Variants in RAP1B observed in about 807,000 individuals in gnomAD.
The protein encoded by RAP1B is RAP1B, member of RAS oncogene family.
RAP1B carries 1 observed loss-of-function variant against 27.5 expected under a neutral mutation model. The observed-to-expected ratio is 0.04, with a 90% CI of 0.01 to 0.17. The LOEUF (loss-of-function observed/expected upper bound fraction) is 0.17. Among genes scored for constraint, RAP1B ranks in the 10% least tolerant of loss-of-function variants. RAP1B has a pLI of 1.00. For synonymous variants in RAP1B, 75 were observed against 73.1 expected (o/e 1.03, Z -0.13); for missense variants, 84 against 214.8 (o/e 0.39, Z 3.81).
chr12:68,631,415 G>A (rs140909870), intron 1 of RAP1B, among the ~76,000 whole-genome samples: 5 of 151,968 alleles, frequency 3.3e-5, no homozygotes, highest in East Asian at 1.9e-4. Flanking sequence ...AACTTCTTTC[G>A]TTAATTTAAA....
chr12:68,622,122 CTT>C (rs976086610), intron 1 of RAP1B, among the ~76,000 whole-genome samples: 1 of 152,154 alleles, frequency 6.6e-6, no homozygotes, highest in African/African-American at 2.4e-5. Context: ...GGTCATGAAA[CTT>C]TGAACAAGTT....
At chr12:68,653,052 T>TA (rs1273686636) in intron 4 of RAP1B, among the ~76,000 whole-genome samples, 1 of 150,908 alleles carries the variant, frequency 6.6e-6, no homozygotes, top group South Asian at 2.1e-4. Flanking sequence ...TCTATTAAAA[T>TA]ACAAAAATTA....
intron 1 of RAP1B, among the ~76,000 whole-genome samples, chr12:68,612,320 CTT>C (rs1206463956): frequency 1.3e-5 from 2 of 152,100 alleles, no homozygotes; most frequent in African/African-American, 2.4e-5. Flanking sequence ...CAAAAAGTAA[CTT>C]ATAGAAAAGG....
chr12:68,668,160 C>G lies in RAP1B; in HGVS notation c.*8911C>G, dbSNP rs545173004. The G allele has an allele frequency of 1.4e-3, 206 of 152,306 alleles. No homozygotes were observed. Among genetic ancestry groups the G allele is most frequent in the African/African-American group, 4.8e-3 (199 of 41,548 alleles). 9.4% of individuals were successfully genotyped at this position (152,306 alleles called of 1,614,324 possible). A position where few individuals can be genotyped will look rare whatever the true frequency, so the allele number is the denominator to read the frequency against. Reference sequence around the variant, plus strand: ...AATGACTTGGTTGCCCTAGGCCCCCCGTCAAGGCTTTTGTTCAAGGGAGAG... The same window carrying G: ...AATGACTTGGTTGCCCTAGGCCCCCGGTCAAGGCTTTTGTTCAAGGGAGAG... On this transcript the variant is annotated 3_prime_UTR_variant, in exon 8 of 8. Coordinates refer to ENST00000250559, the MANE Select transcript of RAP1B (RefSeq NM_001010942.3).
At chr12:68,651,805 A>G (rs1008363415) in intron 3 of RAP1B, 190 bp from the exon 4 acceptor site, 1 of 530,116 alleles carries the variant, frequency 1.9e-6, no homozygotes, top group African/African-American at 1.9e-5. Flanking sequence ...CTTGATTACA[A>G]TTTGGGGGTC....
At chr12:68,633,860 ACT>A (rs1050538474) in intron 1 of RAP1B, among the ~76,000 whole-genome samples, 40 of 152,172 alleles carry the variant, frequency 2.6e-4, no homozygotes, top group African/African-American at 8.9e-4. Context: ...ATACAGTAAG[ACT>A]CTGTCTCAAA....
intron 1 of RAP1B, chr12:68,642,853 C>A: frequency 1.0e-6 from 1 of 988,852 alleles, no homozygotes; most frequent in Non-Finnish European, 1.6e-6. Context: ...CCGGTGGATT[C>A]TCAGGTAAAG....
In RAP1B at chr12:68,662,751, T is replaced by C. The variant is rs1178635704; in HGVS notation, c.*3502T>C. ...CATAATCTGTCAGTGAGCCTTAACA[T>C]TGTGATTTGTAAGACTAAAATTTTT... On this transcript the variant is annotated 3_prime_UTR_variant, in exon 8 of 8. Coordinates refer to ENST00000250559, the MANE Select transcript of RAP1B (RefSeq NM_001010942.3). The C allele has an allele frequency of 1.3e-5, 2 of 152,148 alleles. No individual in the cohort carries two copies. The highest frequency in any genetic ancestry group is 1.9e-4 in the East Asian group (1 of 5,192). The allele number at this position is 152,148 out of a possible 1,614,324, so 9.4% of individuals were successfully genotyped here. A position where few individuals can be genotyped will look rare whatever the true frequency, so the allele number is the denominator to read the frequency against.
chr12:68,652,240 G>A (rs1025206849), intron 4 of RAP1B, among the ~76,000 whole-genome samples, 189 bp downstream of exon 4: 3 of 152,132 alleles, frequency 2.0e-5, no homozygotes, highest in Non-Finnish European at 4.4e-5. Flanking sequence ...GAGGTCAGGA[G>A]TTCGAGACCA....
chr12:68,643,015 TGGCTGCCCAC>T, intron 1 of RAP1B: 1 of 779,748 alleles, frequency 1.3e-6, no homozygotes, highest in Non-Finnish European at 2.4e-6. Context: ...TCACCGACCC[TGGCTGCCCAC>T]GGTCCACTGC....
Position 68,616,438 on chromosome 12 carries a change from ATTTTTTTTTT to A in RAP1B, c.-27+5412_-27+5421del, listed in dbSNP as rs142174644. On this transcript the variant is annotated intron_variant, in intron 1 of 7. Transcript: ENST00000250559. The stretch of plus-strand genomic sequence containing the variant: ...TAGCTGGGAATACTGTGCCTGGCTA[ATTTTTTTTTT>A]TTTTTTTTTTTTTTTTGAGACGGAG... 7.9e-3 allele frequency among the ~76,000 whole-genome samples: 706 copies of A among 89,474 alleles called. 34 individuals are homozygous for A. In the East Asian group the frequency reaches 0.18, roughly 22 times the overall value. 58.7% of individuals were successfully genotyped at this position (89,474 alleles called of 152,430 possible).
At position 68,666,182 on chromosome 12, in the gene RAP1B, T is replaced by G. The variant is rs1874841368; in HGVS notation, c.*6933T>G. ...CTTTCAAATATATGCCTTTGCAGTA[T>G]TTCTCTACTTCCCCAGTAATGTAAA... On this transcript the variant is annotated 3_prime_UTR_variant, in exon 8 of 8. Coordinates refer to ENST00000250559, the MANE Select transcript of RAP1B (RefSeq NM_001010942.3). 6.6e-6 allele frequency: 1 copy of G among 152,258 alleles called. No individual in the cohort carries two copies. Among genetic ancestry groups the G allele is most frequent in the Non-Finnish European group, 1.5e-5 (1 of 68,050 alleles). The allele number at this position is 152,258 out of a possible 1,614,324, so 9.4% of individuals were successfully genotyped here.
chr12:68,627,186 C>T, intron 1 of RAP1B: 4 of 1,548,638 alleles, frequency 2.6e-6, no homozygotes, highest in South Asian at 1.1e-5. Flanking sequence ...TGTTTGGAAC[C>T]TACACTGGGG....
rs1379558320 is a variant in RAP1B at position 68,664,755 on chromosome 12, C to CA, written c.*5508dup. On this transcript the variant is annotated 3_prime_UTR_variant, in exon 8 of 8. Coordinates refer to ENST00000250559, the MANE Select transcript of RAP1B (RefSeq NM_001010942.3). ...CAGTCTCTGCTGGCAAGGTGTTTAA[C>CA]AAGTCAATGATGGGAAAGACCAGTC... The CA allele has an allele frequency of 6.6e-6, 1 of 152,130 alleles. No individual in the cohort carries two copies. Among genetic ancestry groups the CA allele is most frequent in the Non-Finnish European group, 1.5e-5 (1 of 68,040 alleles). 9.4% of individuals were successfully genotyped at this position (152,130 alleles called of 1,614,324 possible).
intron 1 of RAP1B, among the ~76,000 whole-genome samples, chr12:68,616,064 C>T (rs1445820260): frequency 1.4e-5 from 2 of 147,378 alleles, no homozygotes; most frequent in South Asian, 2.2e-4. Flanking sequence ...CCAGGGTTCA[C>T]GCCATTCACC....
rs1464475297 is a variant in RAP1B at position 68,668,268 on chromosome 12, T to C, written c.*9019T>C. The C allele has an allele frequency of 6.6e-6, 1 of 152,146 alleles. No homozygotes were observed. The highest frequency in any genetic ancestry group is 2.4e-5 in the African/African-American group (1 of 41,406). The allele number at this position is 152,146 out of a possible 1,614,324, so 9.4% of individuals were successfully genotyped here. A position where few individuals can be genotyped will look rare whatever the true frequency, so the allele number is the denominator to read the frequency against. The stretch of plus-strand genomic sequence containing the variant: ...GGTTAGCCCTGGCAAGTTAAGACAT[T>C]TTACAGTGCCACTACCTACCTCCAT... On this transcript the variant is annotated 3_prime_UTR_variant, in exon 8 of 8. Transcript: ENST00000250559.
At chr12:68,657,048 T>TG (rs898596796) in intron 6 of RAP1B, 53 bp from the exon 7 acceptor site, 50 of 1,405,654 alleles carry the variant, frequency 3.6e-5, no homozygotes, top group Middle Eastern at 3.9e-4. Context: ...CTTTTTTCAT[T>TG]GGGGGGGATA....
At position 68,654,355 on chromosome 12, in the gene RAP1B, G is replaced by GGT. The variant is rs1555173472; in HGVS notation, c.324+104_324+105insTG. On this transcript the variant is annotated intron_variant, in intron 5 of 7. Coordinates refer to ENST00000250559, the MANE Select transcript of RAP1B (RefSeq NM_001010942.3). ...TTAAAGCTTGTGTATTTTGGTTGGG[G>GGT]GGGGGGTGTTGGTTTTTTTAAACTT... is the stretch of plus-strand genomic sequence containing the variant. 266 of 464,112 alleles carry GGT rather than the reference G, an allele frequency of 5.7e-4. 35 individuals carry two copies. Among genetic ancestry groups the GGT allele is most frequent in the Non-Finnish European group, 7.6e-4 (235 of 308,494 alleles). The allele number at this position is 464,112 out of a possible 1,614,324, so 28.7% of individuals were successfully genotyped here. A position where few individuals can be genotyped will look rare whatever the true frequency, so the allele number is the denominator to read the frequency against.
intron 1 of RAP1B, among the ~76,000 whole-genome samples, chr12:68,611,330 A>G (rs1176134871): frequency 6.7e-6 from 1 of 150,124 alleles, no homozygotes; most frequent in Non-Finnish European, 1.5e-5. Context: ...ATGGCGGAGG[A>G]AGTGAGAGCC....
Sources: allele counts gnomAD v4.1 joint callset (sites outside exome capture counted in the v4.1 genomes callset), GRCh38; gene constraint gnomAD v4.1.1; transcripts MANE v1.5; gene names NCBI Gene and HGNC (gene_info 2026-07-23, HGNC 2026-07-21).